The following AK9 variants were observed in gnomAD, a reference collection of about 807,000 sequenced individuals.
The protein encoded by AK9 is adenylate kinase domain containing 1.
Under a neutral mutation model 239.6 loss-of-function variants are expected in AK9, and 191 were observed. The observed-to-expected ratio is 0.80, with a 90% CI of 0.71 to 0.90. The LOEUF (loss-of-function observed/expected upper bound fraction) is 0.90, where lower values mean the gene tolerates loss of function less well. Among genes scored for constraint, AK9 ranks in the 40% least tolerant of loss-of-function variants. AK9 has a pLI of 0.00. For synonymous variants in AK9, 689 were observed against 721.0 expected, an observed-to-expected ratio of 0.96 and a Z score of 0.71; for missense variants, 1,995 against 2,214.7, an observed-to-expected ratio of 0.90 and a Z score of 1.99.
At chr6:109,503,810 C>T (rs917604218) in intron 35 of AK9, among the ~76,000 whole-genome samples, 12 of 152,244 alleles carry the variant, frequency 7.9e-5, no homozygotes, top group African/African-American at 2.4e-4. Context: ...TCACAGCTTA[C>T]GCAAGTTATA....
intron 21 of AK9, among the ~76,000 whole-genome samples, chr6:109,567,893 A>G (rs1229300429): frequency 2.6e-5 from 4 of 151,500 alleles, no homozygotes; most frequent in East Asian, 1.9e-4. Flanking sequence ...AAAAAAAAAA[A>G]AAAAGAAAAA....
chr6:109,576,398 T>C (rs1243878319), intron 20 of AK9, among the ~76,000 whole-genome samples: 2 of 148,580 alleles, frequency 1.3e-5, no homozygotes, highest in Admixed American at 1.4e-4. Context: ...CCTCCTTGGT[T>C]AGGTGTATAT....
chr6:109,516,528 C>T lies in AK9; in HGVS notation c.3748G>A (p.Glu1250Lys), dbSNP rs1300141330. The part of the protein sequence containing the change: ...FPKDEEEMSG[E>K]EDEEQETDAI... ...TCAGTTTCCTGTTCTTCATCTTCCT[C>T]GCCACTCATCTCTTCCTCATCTTTT... Residue 1250 changes from glutamate (E) to lysine (K), a missense_variant, in exon 30 of 41, where the codon GAG becomes AAG. Coordinates refer to ENST00000424296, the MANE Select transcript of AK9 (RefSeq NM_001145128.3). 35 of 1,551,668 alleles carry T rather than the reference C, an allele frequency of 2.3e-5. No homozygotes were observed. Among genetic ancestry groups the T allele is most frequent in the Non-Finnish European group, 2.9e-5 (33 of 1,147,016 alleles).
chr6:109,678,690 TG>T (rs1772128552), intron 1 of AK9, among the ~76,000 whole-genome samples: 1 of 126,160 alleles, frequency 7.9e-6, no homozygotes, highest in Non-Finnish European at 1.8e-5. Flanking sequence ...GGAACAGCTC[TG>T]GTCTGCAGCT....
chr6:109,598,724 C>T (rs1376645898), intron 17 of AK9, among the ~76,000 whole-genome samples: 1 of 152,208 alleles, frequency 6.6e-6, no homozygotes, highest in Non-Finnish European at 1.5e-5. Context: ...TCCACATCCT[C>T]TCCAGCACCT....
At chr6:109,521,313 A>G (rs1406241961) in intron 29 of AK9, among the ~76,000 whole-genome samples, 2 of 152,074 alleles carry the variant, frequency 1.3e-5, no homozygotes, top group African/African-American at 4.8e-5. Flanking sequence ...TAGCTAACTT[A>G]CATCACTCCT....
intron 15 of AK9, among the ~76,000 whole-genome samples, chr6:109,612,393 T>C (rs1793681249): frequency 6.6e-6 from 1 of 152,138 alleles, no homozygotes; most frequent in Non-Finnish European, 1.5e-5. Flanking sequence ...GTCAATGATG[T>C]GCTTACCTCA....
At chr6:109,656,695 C>G in intron 8 of AK9, 61 bp downstream of exon 8, 1 of 1,490,130 alleles carries the variant, frequency 6.7e-7, no homozygotes, top group East Asian at 2.3e-5. Flanking sequence ...GTGAAAGCTA[C>G]TTAACCAGTG....
intron 2 of AK9, among the ~76,000 whole-genome samples, chr6:109,674,867 G>A (rs944807640): frequency 6.6e-6 from 1 of 152,184 alleles, no homozygotes; most frequent in Non-Finnish European, 1.5e-5. Flanking sequence ...AGTAAGTCAA[G>A]GATGGGATCC....
chr6:109,588,953 G>T (rs1435082483), intron 17 of AK9, among the ~76,000 whole-genome samples: 2 of 152,136 alleles, frequency 1.3e-5, no homozygotes, highest in African/African-American at 4.8e-5. Flanking sequence ...TAAAATACCA[G>T]TACCATGCTG....
chr6:109,582,533 C>A (rs547767670), intron 19 of AK9, among the ~76,000 whole-genome samples: 48 of 152,140 alleles, frequency 3.2e-4, no homozygotes, highest in African/African-American at 1.1e-3. Context: ...AGAAGTGAAG[C>A]CTAAATTGCT....
At position 109,514,224 on chromosome 6, in the gene AK9, C is replaced by T. The variant is rs866480156; in HGVS notation, c.4279G>A (p.Val1427Ile). The T allele has an allele frequency of 5.2e-6, 8 of 1,549,532 alleles. No individual in the cohort carries two copies. The highest frequency in any genetic ancestry group is 7.0e-6 in the Non-Finnish European group (8 of 1,145,966). Reference protein sequence around the residue: ...VGPPKSGKTTVAKKITSEYGL... With the variant: ...VGPPKSGKTTIAKKITSEYGL... ...AAAACAAAGGCAAACATACGCTCAC[C>T]TGTAGTTTTCCCAGATTTTGGAGGC... The change falls in exon 32 of 41, where the codon GTT (valine) becomes ATT (isoleucine). Residue 1427 changes from valine (V) to isoleucine (I), a missense_variant and splice_region_variant. By Grantham distance (29) the Val-to-Ile change is conservative. Transcript: ENST00000424296.
intron 35 of AK9, among the ~76,000 whole-genome samples, chr6:109,505,860 C>T (rs1034961471): frequency 9.9e-5 from 15 of 152,264 alleles, no homozygotes; most frequent in African/African-American, 2.4e-4. Flanking sequence ...TAATAAACAA[C>T]GGAGATTTAT....
At chr6:109,642,721 C>A (rs1223972713) in intron 9 of AK9, among the ~76,000 whole-genome samples, 2 of 152,070 alleles carry the variant, frequency 1.3e-5, no homozygotes, top group Non-Finnish European at 2.9e-5. Flanking sequence ...TCAAGGAGGG[C>A]AGCTGGCTGG....
intron 20 of AK9, among the ~76,000 whole-genome samples, chr6:109,574,155 C>G (rs564054263): frequency 1.4e-4 from 21 of 152,200 alleles, no homozygotes; most frequent in African/African-American, 4.8e-4. Context: ...GATTTTCTTA[C>G]AGCTAACTAA....
At chr6:109,519,769 T>G (rs1329426274) in intron 29 of AK9, among the ~76,000 whole-genome samples, 2 of 108,066 alleles carry the variant, frequency 1.9e-5, no homozygotes, top group Non-Finnish European at 3.6e-5. Context: ...CACTCCATCC[T>G]GTCTCAAAAA....
At position 109,506,466 on chromosome 6, in the gene AK9, C is replaced by T. The variant is rs1778130536; in HGVS notation, c.4710G>A (p.Arg1570=). The T allele has an allele frequency of 1.9e-6, 3 of 1,613,446 alleles. No homozygotes were observed. The African/African-American group carries it at 4.0e-5, about 22-fold the overall frequency. Residue 1570 remains arginine (R), a synonymous_variant, in exon 35 of 41, where the codon AGG becomes AGA. Transcript: ENST00000424296. ...TCTGATGCTGTTCTTGATAATATTG[C>T]CTAATCTCACCAATATTTTTGCGAT... is the stretch of plus-strand genomic sequence containing the variant. The part of the protein sequence containing the change: ...VKYRKNIGEI[R]QYYQEQHQNW...
intron 1 of AK9, among the ~76,000 whole-genome samples, chr6:109,686,277 T>G (rs1773497429): frequency 6.6e-6 from 1 of 152,248 alleles, no homozygotes; most frequent in South Asian, 2.1e-4. Flanking sequence ...AAGTGAGAGA[T>G]AAACCTACAA....
rs867574663 is a variant in AK9 at position 109,614,396 on chromosome 6, A to T, written c.1484T>A (p.Ile495Asn). 7 of 1,551,260 alleles carry T rather than the reference A, an allele frequency of 4.5e-6. No individual in the cohort carries two copies. The South Asian group carries it at 8.3e-5, about 18-fold the overall frequency. ...VFPMEATHSS[I>N]DEEGYIQGSQ... ...ATATATTTCTTTACCTTCTTCATCA[A>T]TTGATGAGTGTGTTGCCTCCATTGG... The change falls in exon 14 of 41, where the codon ATT becomes AAT. Residue 495 changes from isoleucine to asparagine, a missense_variant. Ile to Asn is a moderately radical substitution (Grantham distance 149, BLOSUM62 -3). Transcript: ENST00000424296.
Sources: allele counts gnomAD v4.1 joint callset (sites outside exome capture counted in the v4.1 genomes callset), GRCh38; gene constraint gnomAD v4.1.1; transcripts MANE v1.5; gene names NCBI Gene and HGNC (gene_info 2026-07-23, HGNC 2026-07-21).